GRK5: variants seen among roughly 807,000 people sequenced by gnomAD.
The protein encoded by GRK5 is G protein-coupled receptor kinase 5.
A neutral mutation model predicts 78.4 loss-of-function variants in GRK5; 40 were observed. That is an observed-to-expected ratio of 0.51 (90% CI 0.40 to 0.66). The LOEUF (loss-of-function observed/expected upper bound fraction) is 0.66. Among genes scored for constraint, GRK5 ranks in the 30% least tolerant of loss-of-function variants. The pLI is 0.00. For synonymous variants in GRK5, 289 were observed against 296.8 expected, an observed-to-expected ratio of 0.97 and a Z score of 0.27; for missense variants, 598 against 759.9, an observed-to-expected ratio of 0.79 and a Z score of 2.50.
chr10:119,440,808 C>T (rs4752311), intron 10 of GRK5, among the ~76,000 whole-genome samples: 9,003 of 152,268 alleles, frequency 0.059, 368 homozygotes, highest in Middle Eastern at 0.11. Context: ...TCCTTGGCCT[C>T]CCTATGTGCT....
chr10:119,291,960 CTCT>C (rs377029040), intron 1 of GRK5, among the ~76,000 whole-genome samples: 335 of 52,806 alleles, frequency 6.3e-3, no homozygotes, highest in Middle Eastern at 9.8e-3. Flanking sequence ...CCTTCTCCTC[CTCT>C]TCCTCCTTCT....
chr10:119,308,842 G>A (rs1850314635), intron 1 of GRK5, among the ~76,000 whole-genome samples: 1 of 139,562 alleles, frequency 7.2e-6, no homozygotes, highest in African/African-American at 2.5e-5. Context: ...GTCCAGTTCT[G>A]AGGCAGGGGA....
chr10:119,394,138 CTG>C (rs1851939830), intron 3 of GRK5, among the ~76,000 whole-genome samples: 6 of 30,656 alleles, frequency 2.0e-4, no homozygotes, highest in South Asian at 1.1e-3. Context: ...GTGTGGGTAT[CTG>C]TGGGTATGTG....
intron 6 of GRK5, among the ~76,000 whole-genome samples, chr10:119,429,448 A>G (rs883133): frequency 0.08 from 12,039 of 151,196 alleles, 708 homozygotes; most frequent in East Asian, 0.25. Flanking sequence ...CCAAGAGCCA[A>G]TTTTCACGTT....
chr10:119,386,218 A>G (rs182144650), intron 3 of GRK5, among the ~76,000 whole-genome samples: 180 of 152,328 alleles, frequency 1.2e-3, no homozygotes, highest in African/African-American at 4.2e-3. Flanking sequence ...GCTGGTGTTT[A>G]GAGAGCCCTG....
intron 1 of GRK5, among the ~76,000 whole-genome samples, chr10:119,296,641 G>A (rs929832803): frequency 1.3e-5 from 2 of 152,228 alleles, no homozygotes; most frequent in African/African-American, 2.4e-5. Context: ...TTGCTGGTAG[G>A]AAATGGTTCC....
chr10:119,234,345 T>C (rs1848882962), intron 1 of GRK5, among the ~76,000 whole-genome samples: 2 of 152,218 alleles, frequency 1.3e-5, no homozygotes, highest in Non-Finnish European at 2.9e-5. Context: ...ACAAAAAATA[T>C]TACTAAAAGT....
At chr10:119,448,537 G>T (rs1853208120) in intron 13 of GRK5, among the ~76,000 whole-genome samples, 1 of 152,240 alleles carries the variant, frequency 6.6e-6, no homozygotes, top group Non-Finnish European at 1.5e-5. Context: ...CTAAGCGTCA[G>T]TTTCCTCCCT....
rs970721022 is a variant in GRK5 at position 119,295,815 on chromosome 10, G to T, written c.53-30701G>T. The stretch of plus-strand genomic sequence containing the variant: ...TCAGGGACTTGTGGGGAAGGGTGGG[G>T]GGTGGTGGGGCATAAAATAGTAAGG... On this transcript the variant is annotated intron_variant, in intron 1 of 15. Coordinates refer to ENST00000392870, the MANE Select transcript of GRK5 (RefSeq NM_005308.3). Among the ~76,000 whole-genome samples, 179 of 152,172 alleles carry T rather than the reference G, an allele frequency of 1.2e-3. 1 individual carries two copies. Among genetic ancestry groups the T allele is most frequent in the African/African-American group, 4.3e-3 (177 of 41,508 alleles).
intron 4 of GRK5, among the ~76,000 whole-genome samples, chr10:119,397,048 C>T (rs1852067152): frequency 6.6e-6 from 1 of 152,208 alleles, no homozygotes; most frequent in South Asian, 2.1e-4. Context: ...GCTGTGTGCC[C>T]ACACCCAACC....
chr10:119,431,675 G>C lies in GRK5; in HGVS notation c.738+148G>C. On this transcript the variant is annotated intron_variant, in intron 8 of 15. Transcript: ENST00000392870. The surrounding 1 kb of genome is among the most constrained non-coding windows in gnomAD (Gnocchi z 4.8). ...GGCAGCGCTGAGCTACAGAAAGGCC[G>C]CAAGACATTCCTCCATCACACGGCC... 2.1e-6 allele frequency: 2 copies of C among 932,288 alleles called. No individual in the cohort carries two copies. The highest frequency in any genetic ancestry group is 5.6e-5 in the East Asian group (2 of 35,786). The allele number at this position is 932,288 out of a possible 1,614,324, so 57.8% of individuals were successfully genotyped here. A position where few individuals can be genotyped will look rare whatever the true frequency, so the allele number is the denominator to read the frequency against.
At chr10:119,338,125 G>A (rs1251058166) in intron 2 of GRK5, among the ~76,000 whole-genome samples, 1 of 152,214 alleles carries the variant, frequency 6.6e-6, no homozygotes. Context: ...GTGGTCTGGT[G>A]GAGTTAAAGG....
At chr10:119,353,868 GT>G (rs1241098157) in intron 2 of GRK5, among the ~76,000 whole-genome samples, 4 of 150,586 alleles carry the variant, frequency 2.7e-5, no homozygotes, top group Non-Finnish European at 5.9e-5. Context: ...TGTCCTGGAA[GT>G]ACCCAGTATA....
chr10:119,282,934 G>C (rs901418050), intron 1 of GRK5, among the ~76,000 whole-genome samples: 1 of 152,182 alleles, frequency 6.6e-6, no homozygotes, highest in Non-Finnish European at 1.5e-5. Context: ...CAGGCTGCTG[G>C]CCCATCCAGT....
chr10:119,311,939 G>A (rs375114185), intron 1 of GRK5, among the ~76,000 whole-genome samples: 32 of 134,848 alleles, frequency 2.4e-4, no homozygotes, highest in Admixed American at 8.1e-4. Flanking sequence ...TTTTTGAGAC[G>A]GAGTCTCACT....
intron 2 of GRK5, among the ~76,000 whole-genome samples, chr10:119,380,142 A>G (rs1851689363): frequency 6.6e-6 from 1 of 152,226 alleles, no homozygotes; most frequent in Admixed American, 6.5e-5. Context: ...GTAATTTCTA[A>G]AAGTGTTCAA....
chr10:119,346,543 G>T (rs763441439), intron 2 of GRK5, among the ~76,000 whole-genome samples: 3 of 152,222 alleles, frequency 2.0e-5, no homozygotes, highest in Non-Finnish European at 4.4e-5. Context: ...TGATGCCTCA[G>T]GCCTGTTCCT....
chr10:119,243,936 A>G (rs1210900877), intron 1 of GRK5, among the ~76,000 whole-genome samples: 1 of 152,244 alleles, frequency 6.6e-6, no homozygotes, highest in Non-Finnish European at 1.5e-5. Context: ...ATAAAAGAGC[A>G]TAATCTGACC....
rs908159597 is a variant in GRK5, at chr10:119,217,495, C to G, written c.52+9526C>G. 6.6e-6 allele frequency among the ~76,000 whole-genome samples: 1 copy of G among 152,206 alleles called. No individual in the cohort carries two copies. The highest frequency in any genetic ancestry group is 1.5e-5 in the Non-Finnish European group (1 of 68,044). The stretch of plus-strand genomic sequence containing the variant: ...TGGAGGCCCATTACCTGTACTCTCT[C>G]GCTGCCTGGGCCCCTCCTACCAACA... On this transcript the variant is annotated intron_variant, in intron 1 of 15. Coordinates refer to ENST00000392870, the MANE Select transcript of GRK5 (RefSeq NM_005308.3). This position sits in a 1 kb window ranked among gnomAD's most constrained non-coding sequence, Gnocchi z 4.1.
Sources: gnomAD v4.1 joint callset for allele counts (sites outside exome capture counted in the v4.1 genomes callset) on GRCh38, gnomAD v4.1.1 for gene constraint, Gnocchi (gnomAD v3.1) non-coding constraint, MANE v1.5 for transcripts, NCBI Gene and HGNC (gene_info 2026-07-23, HGNC 2026-07-21) for gene names.